Variants in NEIL1 observed in about 807,000 individuals in gnomAD.
NEIL1 encodes nei like DNA glycosylase 1.
In NEIL1, 31 loss-of-function variants were observed where a neutral mutation model predicts 44.2. The ratio of observed to expected loss-of-function variants is 0.70; its 90% CI spans 0.53 to 0.95. The LOEUF is 0.95. Ranked by LOEUF, NEIL1 falls within the 40% of genes least tolerant of loss-of-function variation. NEIL1 has a pLI of 0.00. For synonymous variants in NEIL1, 254 were observed against 209.7 expected, an observed-to-expected ratio of 1.21 and a Z score of -1.83; for missense variants, 549 against 515.5, an observed-to-expected ratio of 1.07 and a Z score of -0.63.
In NEIL1 at chr15:75,348,965, G is replaced by A. The variant is rs745551400; in HGVS notation, c.60G>A (p.Ala20=). ...ASQFVNEACR[A]LVFGGCVEKS... is the part of the protein sequence containing the mutation. Reference sequence around the variant, plus strand: ...AGTTTGTGAATGAGGCCTGCAGGGCGCTGGTGTTCGGCGGCTGCGTGGAGA... The same window carrying A: ...AGTTTGTGAATGAGGCCTGCAGGGCACTGGTGTTCGGCGGCTGCGTGGAGA... Residue 20 remains alanine (A), a synonymous_variant, in exon 2 of 10, where the codon GCG becomes GCA. Coordinates refer to ENST00000355059, the MANE Select transcript of NEIL1 (RefSeq NM_024608.4). The A allele has an allele frequency of 5.6e-6, 9 of 1,613,464 alleles. No individual in the cohort carries two copies.
In NEIL1 at chr15:75,356,810, G is replaced by A. The variant is rs1474198756; in HGVS notation, c.*1776G>A. The A allele has an allele frequency of 1.2e-6, 2 of 1,614,060 alleles. No individual in the cohort carries two copies. The highest frequency in any genetic ancestry group is 1.7e-5 in the Admixed American group (1 of 60,032). On this transcript the variant is annotated 3_prime_UTR_variant, in exon 10 of 10. Transcript: ENST00000355059. This position sits in a 1 kb window ranked among gnomAD's most constrained non-coding sequence, Gnocchi z 5.8. ...CCACTTACAGCGAGAGGCTGAGGAT[G>A]CTGCCTCGCACTGACGCGCCATACT...
chr15:75,348,796 C>G (rs1263894159), intron 1 of NEIL1, 88 bp from the exon 2 acceptor site: 1 of 1,517,758 alleles, frequency 6.6e-7, no homozygotes, highest in East Asian at 2.3e-5. Context: ...CCATCTGACC[C>G]TCCGAGTTCT....
chr15:75,355,468 CCA>C lies in NEIL1; in HGVS notation c.*435_*436del. The C allele has an allele frequency of 4.4e-6, 1 of 226,564 alleles. No homozygotes were observed. The highest frequency in any genetic ancestry group is 8.7e-6 in the Non-Finnish European group (1 of 115,152). 14.0% of individuals were successfully genotyped at this position (226,564 alleles called of 1,614,324 possible). On this transcript the variant is annotated 3_prime_UTR_variant, in exon 10 of 10. Coordinates refer to ENST00000355059, the MANE Select transcript of NEIL1 (RefSeq NM_024608.4). ...GCCCAGGAGCCAGAGCTCCTCCAGT[CCA>C]GATTCTCCAGGGTCCAGGGCTGCCC...
chr15:75,349,735 G>T, intron 2 of NEIL1: 1 of 209,538 alleles, frequency 4.8e-6, no homozygotes, highest in Non-Finnish European at 9.9e-6. Context: ...AAGCGCTTGA[G>T]CCGGTGAGGC....
intron 5 of NEIL1, 66 bp downstream of exon 5, chr15:75,352,767 C>T (rs2072020506): frequency 7.9e-7 from 1 of 1,266,410 alleles, no homozygotes; most frequent in South Asian, 1.3e-5. Context: ...GGCACTTGTC[C>T]CTCTCTGGAC....
intron 1 of NEIL1, chr15:75,347,921 G>C: frequency 8.0e-7 from 1 of 1,248,882 alleles, no homozygotes; most frequent in South Asian, 1.3e-5. Context: ...GGCAAGGTAC[G>C]GGCGTCTGCC....
rs150070963 is a variant in NEIL1 at position 75,356,028 on chromosome 15, C to T, written c.*994C>T. 11 of 1,613,878 alleles carry T rather than the reference C, an allele frequency of 6.8e-6. No homozygotes were observed. Among genetic ancestry groups the T allele is most frequent in the South Asian group, 2.2e-5 (2 of 91,044 alleles). On this transcript the variant is annotated 3_prime_UTR_variant, in exon 10 of 10. Coordinates refer to ENST00000355059, the MANE Select transcript of NEIL1 (RefSeq NM_024608.4). The surrounding 1 kb of genome is among the most constrained non-coding windows in gnomAD (Gnocchi z 5.8). ...GCAGGGTCTGGTCGCTCCAAGAGATCGCAGCTGGAGAACAGGAGGGGCCAT... is the reference window on the plus strand; with the variant it reads ...GCAGGGTCTGGTCGCTCCAAGAGATTGCAGCTGGAGAACAGGAGGGGCCAT...
rs754429131 is a variant in NEIL1, at chr15:75,349,138, G to C, written c.233G>C (p.Arg78Pro). ...CAGGAGCCACTGGCCCTGGTCTTCC[G>C]CTTCGGCATGTCCGGCTCTTTTCAG... ...PQQEPLALVF[R>P]FGMSGSFQLV... is the part of the protein sequence containing the mutation. Residue 78 changes from arginine (R) to proline (P), a missense_variant, in exon 2 of 10, where the codon CGC becomes CCC. By Grantham distance (103) the Arg-to-Pro change is moderately radical (BLOSUM62 -2). Transcript: ENST00000355059. 7 of 1,610,332 alleles carry C rather than the reference G, an allele frequency of 4.3e-6. No homozygotes were observed. Among genetic ancestry groups the C allele is most frequent in the Non-Finnish European group, 5.9e-6 (7 of 1,179,916 alleles).
rs188436184 is a variant in NEIL1 at position 75,354,265 on chromosome 15, T to C, written c.862T>C (p.Leu288=). The change falls in exon 7 of 10, where the codon TTG becomes CTG. Residue 288 remains leucine (L), a synonymous_variant. Transcript: ENST00000355059. ...TIWFQGDPGP[L]APKGRKSRKK... ...CCCATTTTAGGGGGATCCTGGACCGTTGGCACCCAAAGGTAAGCTACTCCT... is the reference window on the plus strand; with the variant it reads ...CCCATTTTAGGGGGATCCTGGACCGCTGGCACCCAAAGGTAAGCTACTCCT... 47 of 1,614,142 alleles carry C rather than the reference T, an allele frequency of 2.9e-5. No homozygotes were observed. The Admixed American group carries it at 3.7e-4, about 13-fold the overall frequency.
rs2072266293 is a variant in NEIL1 at position 75,355,567 on chromosome 15, C to T, written c.*533C>T. 4 of 276,024 alleles carry T rather than the reference C, an allele frequency of 1.4e-5. No individual in the cohort carries two copies. The highest frequency in any genetic ancestry group is 2.8e-5 in the Non-Finnish European group (4 of 144,246). The allele number at this position is 276,024 out of a possible 1,614,324, so 17.1% of individuals were successfully genotyped here. ...CCAGCCCCAGGCCCAGGCCCTTTAC[C>T]TGCTGGCACAGGGGAGGGGCTTCTC... On this transcript the variant is annotated 3_prime_UTR_variant, in exon 10 of 10. Transcript: ENST00000355059.
chr15:75,347,767 C>G, intron 1 of NEIL1: 1 of 1,096,056 alleles, frequency 9.1e-7, no homozygotes, highest in Non-Finnish European at 1.1e-6. Context: ...CAGGATTAAC[C>G]GAGGACAGGG....
rs983610374 is a variant in NEIL1 at position 75,349,170 on chromosome 15, C to T, written c.265C>T (p.Pro89Ser). ...CATGTCCGGCTCTTTTCAGCTGGTG[C>T]CCCGCGAGGAGCTGCCACGCCATGC... is the stretch of plus-strand genomic sequence containing the variant. Reference protein sequence around the residue: ...FGMSGSFQLVPREELPRHAHL... With the variant: ...FGMSGSFQLVSREELPRHAHL... Residue 89 changes from proline (P) to serine (S), a missense_variant, in exon 2 of 10, where the codon CCC becomes TCC. Coordinates refer to ENST00000355059, the MANE Select transcript of NEIL1 (RefSeq NM_024608.4). The T allele has an allele frequency of 1.9e-6, 3 of 1,609,194 alleles. No individual in the cohort carries two copies. The highest frequency in any genetic ancestry group is 2.5e-6 in the Non-Finnish European group (3 of 1,179,884).
Position 75,355,746 on chromosome 15 carries a change from C to T in NEIL1, c.*712C>T, listed in dbSNP as rs2072272021. On this transcript the variant is annotated 3_prime_UTR_variant, in exon 10 of 10. Coordinates refer to ENST00000355059, the MANE Select transcript of NEIL1 (RefSeq NM_024608.4). ...CCATCCCACCCCAGACTTCCCACCC[C>T]CACCCCAAGCGTGAGGATGGGCCCT... is the stretch of plus-strand genomic sequence containing the variant. 1.3e-6 allele frequency: 1 copy of T among 764,586 alleles called. No homozygotes were observed. 47.4% of individuals were successfully genotyped at this position (764,586 alleles called of 1,614,324 possible). A position where few individuals can be genotyped will look rare whatever the true frequency, so the allele number is the denominator to read the frequency against.
chr15:75,348,659 G>T, intron 1 of NEIL1: 1 of 1,408,424 alleles, frequency 7.1e-7, no homozygotes, highest in Non-Finnish European at 9.2e-7. Context: ...TAGCAGCAAG[G>T]CAGAGTCCTG....
chr15:75,354,903 G>A, intron 9 of NEIL1, 61 bp from the exon 10 acceptor site: 1 of 1,611,392 alleles, frequency 6.2e-7, no homozygotes, highest in Non-Finnish European at 8.5e-7. Context: ...AAAGGTGGGA[G>A]AAAGGCTGCC....
chr15:75,352,162 C>A lies in NEIL1; in HGVS notation c.486C>A (p.Cys162Ter). 6.2e-7 allele frequency: 1 copy of A among 1,614,138 alleles called. No homozygotes were observed. Among genetic ancestry groups the A allele is most frequent in the South Asian group, 1.1e-5 (1 of 91,080 alleles). Residue 162 changes from cysteine to a stop codon, truncating the protein, a stop_gained, in exon 3 of 10, where the codon TGC (cysteine) becomes TGA (stop). Transcript: ENST00000355059. LOFTEE classifies it high-confidence loss of function. ...ATAAGGCCTTTGACCGGCCCATCTG[C>A]GAGGCCCTCCTGGACCAGAGGTTCT... is the stretch of plus-strand genomic sequence containing the variant. ...LADKAFDRPI[C>*]EALLDQRFFN...
At chr15:75,353,944 G>A in intron 6 of NEIL1, 78 bp downstream of exon 6, 1 of 1,572,406 alleles carries the variant, frequency 6.4e-7, no homozygotes, top group Non-Finnish European at 8.7e-7. Context: ...TAACTGGGGT[G>A]GTGATGCTCA....
At position 75,348,917 on chromosome 15, in the gene NEIL1, C is replaced by T. The variant is rs201690765; in HGVS notation, c.12C>T (p.Gly4=). The T allele has an allele frequency of 5.0e-6, 8 of 1,611,720 alleles. No homozygotes were observed. The highest frequency in any genetic ancestry group is 6.8e-6 in the Non-Finnish European group (8 of 1,179,848). Residue 4 remains glycine (G), a synonymous_variant, in exon 2 of 10, where the codon GGC becomes GGT. Coordinates refer to ENST00000355059, the MANE Select transcript of NEIL1 (RefSeq NM_024608.4). MPE[G]PELHLASQFV... is the part of the protein sequence containing the mutation. ...CACCCTCCCTCAGGATGCCTGAGGGCCCCGAGCTGCACCTGGCCAGCCAGT... is the reference window on the plus strand; with the variant it reads ...CACCCTCCCTCAGGATGCCTGAGGGTCCCGAGCTGCACCTGGCCAGCCAGT...
chr15:75,356,496 C>T lies in NEIL1; in HGVS notation c.*1462C>T, dbSNP rs1291436357. 1.3e-6 allele frequency: 2 copies of T among 1,566,544 alleles called. No individual in the cohort carries two copies. Among genetic ancestry groups the T allele is most frequent in the African/African-American group, 1.3e-5 (1 of 74,322 alleles). On this transcript the variant is annotated 3_prime_UTR_variant, in exon 10 of 10. Transcript: ENST00000355059. The surrounding 1 kb of genome is among the most constrained non-coding windows in gnomAD (Gnocchi z 5.8). ...ATGCTGGTGGAGAATGGGGGCTACC[C>T]TCCCCTGTCCCTAGAAGGGGCAGGA...
Sources: allele counts gnomAD v4.1 joint callset, GRCh38; gene constraint gnomAD v4.1.1; non-coding constraint Gnocchi (gnomAD v3.1); transcripts MANE v1.5; gene names NCBI Gene and HGNC (gene_info 2026-07-23, HGNC 2026-07-21).